The following MIER1 variants were observed in gnomAD, a reference collection of about 807,000 sequenced individuals.
The protein encoded by MIER1 is mesoderm induction early response protein 1.
MIER1 carries 40 observed loss-of-function variants against 75.7 expected under a neutral mutation model. The ratio of observed to expected loss-of-function variants is 0.53; its 90% CI spans 0.41 to 0.69. MIER1 has a LOEUF of 0.69. MIER1 is among the 30% of genes least tolerant of loss of function. The pLI is 0.00. For synonymous variants in MIER1, 213 were observed against 223.4 expected, an observed-to-expected ratio of 0.95 and a Z score of 0.42; for missense variants, 574 against 680.2, an observed-to-expected ratio of 0.84 and a Z score of 1.74.
At chr1:66,974,438 TG>T (rs532056701) in intron 11 of MIER1, among the ~76,000 whole-genome samples, 34 of 151,618 alleles carry the variant, frequency 2.2e-4, no homozygotes, top group African/African-American at 7.8e-4. Context: ...TTTTTTTTGT[TG>T]TTGTTGTTGT....
chr1:66,974,278 ATGT>A (rs1558104496), intron 11 of MIER1, among the ~76,000 whole-genome samples: 1 of 152,032 alleles, frequency 6.6e-6, no homozygotes, highest in East Asian at 1.9e-4. Context: ...TATACCCCTA[ATGT>A]TGTGTTCATA....
chr1:66,965,973 A>G (rs1237673342), intron 8 of MIER1, among the ~76,000 whole-genome samples: 3 of 152,068 alleles, frequency 2.0e-5, no homozygotes, highest in African/African-American at 7.2e-5. Context: ...CATCCATGTT[A>G]TTGCAAATGA....
At chr1:66,962,908 T>G (rs1661547422) in intron 7 of MIER1, among the ~76,000 whole-genome samples, 180 bp from the exon 8 acceptor site, 1 of 152,172 alleles carries the variant, frequency 6.6e-6, no homozygotes. Flanking sequence ...TTACTAATAT[T>G]TTCATCCAGT....
intron 1 of MIER1, chr1:66,925,630 C>T: frequency 1.2e-6 from 1 of 833,332 alleles, no homozygotes; most frequent in African/African-American, 1.8e-5. Flanking sequence ...ACGAGGTCCT[C>T]CTAGCGCGTG....
In MIER1 at chr1:66,981,570, T is replaced by C. The variant is rs182600517; in HGVS notation, c.1230-209T>C. Among the ~76,000 whole-genome samples the C allele has an allele frequency of 7.9e-5, 12 of 152,328 alleles. No individual in the cohort carries two copies. The East Asian group carries it at 2.3e-3, about 29-fold the overall frequency. On this transcript the variant is annotated intron_variant, in intron 12 of 13. Coordinates refer to ENST00000401041, the MANE Select transcript of MIER1 (RefSeq NM_001077700.3). Reference sequence around the variant, plus strand: ...TATGGGTCTCTAAAATTTGTTACTTTAAAGCCGTTATGCATTTTTCCTATA... The same window carrying C: ...TATGGGTCTCTAAAATTTGTTACTTCAAAGCCGTTATGCATTTTTCCTATA...
At chr1:66,982,556 T>G (rs1666113710) in intron 13 of MIER1, among the ~76,000 whole-genome samples, 1 of 152,204 alleles carries the variant, frequency 6.6e-6, no homozygotes, top group South Asian at 2.1e-4. Flanking sequence ...TATTTTGATT[T>G]CTTCTTTGAT....
rs141576993 is a variant in MIER1, at chr1:66,956,958, G to A, written c.340-1101G>A. Among the ~76,000 whole-genome samples, 5 of 152,272 alleles carry A rather than the reference G, an allele frequency of 3.3e-5. No homozygotes were observed. In the East Asian group the frequency reaches 7.7e-4, roughly 24 times the overall value. On this transcript the variant is annotated intron_variant, in intron 4 of 13. Transcript: ENST00000401041. ...CATTGTAGCAATGTGTTTAACACAT[G>A]AGCTAGACTTACTTCTTTCCATGAC...
chr1:66,930,157 G>C (rs1287119099), intron 2 of MIER1: 1 of 1,235,902 alleles, frequency 8.1e-7, no homozygotes, highest in African/African-American at 1.6e-5. Flanking sequence ...CCCTGCTCCG[G>C]CGCGTGCTCG....
intron 3 of MIER1, among the ~76,000 whole-genome samples, chr1:66,943,618 C>T (rs1412497074): frequency 2.0e-5 from 3 of 151,926 alleles, no homozygotes; most frequent in Non-Finnish European, 4.4e-5. Flanking sequence ...TGAGGTCTCA[C>T]TGTGTTGCCC....
At chr1:66,948,848 A>G (rs756266323) in intron 4 of MIER1, among the ~76,000 whole-genome samples, 5 of 152,194 alleles carry the variant, frequency 3.3e-5, no homozygotes, top group Non-Finnish European at 5.9e-5. Context: ...GCAGTGAGCT[A>G]TGATAGCACT....
At chr1:66,930,299 C>T (rs1277771357) in intron 2 of MIER1, 7 of 1,560,922 alleles carry the variant, frequency 4.5e-6, no homozygotes, top group East Asian at 5.0e-5. Flanking sequence ...GAGACGGCAG[C>T]GGCCGGAGTC....
At chr1:66,966,246 T>A (rs1263785210) in intron 8 of MIER1, among the ~76,000 whole-genome samples, 2 of 152,216 alleles carry the variant, frequency 1.3e-5, no homozygotes, top group African/African-American at 2.4e-5. Flanking sequence ...CCAAGTGTTC[T>A]CATTGTTCAC....
At chr1:66,955,001 G>A (rs1163107136) in intron 4 of MIER1, among the ~76,000 whole-genome samples, 2 of 152,094 alleles carry the variant, frequency 1.3e-5, no homozygotes, top group Admixed American at 6.6e-5. Context: ...GAGCCACTGC[G>A]CTTGGCCTGA....
intron 11 of MIER1, among the ~76,000 whole-genome samples, chr1:66,975,791 T>C (rs1051684049): frequency 6.6e-6 from 1 of 152,186 alleles, no homozygotes; most frequent in African/African-American, 2.4e-5. Context: ...TATGATACTT[T>C]TAACTCACTG....
rs949637009 is a variant in MIER1, at chr1:66,986,602, C to A, written c.*1702C>A. On this transcript the variant is annotated 3_prime_UTR_variant, in exon 14 of 14. Transcript: ENST00000401041. ...TGTTAACATATGTTCGGACTGCTTC[C>A]CTTCACCAATGTGAACAACTTTTTT... The A allele has an allele frequency of 1.7e-5, 13 of 750,930 alleles. No homozygotes were observed. The highest frequency in any genetic ancestry group is 2.7e-5 in the Non-Finnish European group (12 of 451,638). The allele number at this position is 750,930 out of a possible 1,614,324, so 46.5% of individuals were successfully genotyped here.
chr1:66,977,292 T>C (rs1482357671), intron 12 of MIER1, among the ~76,000 whole-genome samples: 2 of 152,104 alleles, frequency 1.3e-5, no homozygotes, highest in Admixed American at 6.5e-5. Context: ...GAATTTTTAT[T>C]AGAGACGGGG....
Position 66,986,806 on chromosome 1 carries a change from T to C in MIER1, c.*1906T>C, listed in dbSNP as rs970897289. ...AATTTATCCAGAATGGCAGTAGCTT[T>C]AGCAAGCAGATGGTCACAATCTGTT... On this transcript the variant is annotated 3_prime_UTR_variant, in exon 14 of 14. Coordinates refer to ENST00000401041, the MANE Select transcript of MIER1 (RefSeq NM_001077700.3). 3.5e-5 allele frequency: 7 copies of C among 197,272 alleles called. No homozygotes were observed. The highest frequency in any genetic ancestry group is 5.9e-5 in the Admixed American group (1 of 17,070). 12.2% of individuals were successfully genotyped at this position (197,272 alleles called of 1,614,324 possible).
Position 66,984,708 on chromosome 1 carries a change from T to TA in MIER1, c.1508dup (p.Asn503LysfsTer5), listed in dbSNP as rs1489608894. ...TGGATACTAATGGTTATGAAACAGA[T>TA]AACCTTACCACTGACCCAAAACTTG... On this transcript the variant is annotated frameshift_variant, in exon 14 of 14. Coordinates refer to ENST00000401041, the MANE Select transcript of MIER1 (RefSeq NM_001077700.3). LOFTEE classifies it high-confidence loss of function. 1 of 1,613,980 alleles carries TA rather than the reference T, an allele frequency of 6.2e-7. No homozygotes were observed. The highest frequency in any genetic ancestry group is 1.1e-5 in the South Asian group (1 of 91,078).
intron 13 of MIER1, among the ~76,000 whole-genome samples, chr1:66,983,195 T>C (rs750487052): frequency 2.6e-5 from 4 of 152,186 alleles, no homozygotes; most frequent in African/African-American, 9.7e-5. Context: ...CCCAATGTTA[T>C]ATTACTTTTT....
Sources: gnomAD v4.1 joint callset for allele counts (sites outside exome capture counted in the v4.1 genomes callset) on GRCh38, gnomAD v4.1.1 for gene constraint, MANE v1.5 for transcripts, NCBI Gene and HGNC (gene_info 2026-07-23, HGNC 2026-07-21) for gene names.